Variants in GRIN2B observed in about 807,000 individuals in gnomAD.
GRIN2B encodes the protein glutamate ionotropic receptor NMDA type subunit 2B.
A neutral mutation model predicts 114.5 loss-of-function variants in GRIN2B; 5 were observed. The observed-to-expected ratio is 0.04, with a 90% CI of 0.02 to 0.09. GRIN2B has a LOEUF of 0.09. Among genes scored for constraint, GRIN2B ranks in the 10% least tolerant of loss-of-function variants. The pLI is 1.00. For missense variants in GRIN2B, 1,108 were observed against 1,943.5 expected, an observed-to-expected ratio of 0.57 and a Z score of 8.08; for synonymous variants, 787 against 745.1, an observed-to-expected ratio of 1.06 and a Z score of -0.92.
chr12:13,698,131 T>C (rs371679416), intron 4 of GRIN2B, among the ~76,000 whole-genome samples: 254 of 152,336 alleles, frequency 1.7e-3, no homozygotes, highest in African/African-American at 5.7e-3. Context: ...TGCTCCAAGG[T>C]TGATGAGGCA....
intron 4 of GRIN2B, among the ~76,000 whole-genome samples, chr12:13,708,337 C>T (rs973346583): frequency 3.3e-5 from 5 of 151,942 alleles, no homozygotes; most frequent in Admixed American, 1.3e-4. Flanking sequence ...GAATTGAGTT[C>T]GACCTGAGAG....
At position 13,540,549 on chromosome 12, in the gene GRIN2B, T is replaced by C. The variant is rs1948264347; in HGVS notation, c.*22234A>G. On this transcript the variant is annotated 3_prime_UTR_variant, in exon 14 of 14. Coordinates refer to ENST00000609686, the MANE Select transcript of GRIN2B (RefSeq NM_000834.5). ...AAGAATGAAATCAACTTATTTCTTT[T>C]GTTTAAAGGTAAGTCATTTGCTTAT... is the stretch of plus-strand genomic sequence containing the variant. The C allele has an allele frequency of 6.6e-6, 1 of 151,468 alleles. No homozygotes were observed. The highest frequency in any genetic ancestry group is 2.4e-5 in the African/African-American group (1 of 41,144). 9.4% of individuals were successfully genotyped at this position (151,468 alleles called of 1,614,324 possible). A position where few individuals can be genotyped will look rare whatever the true frequency, so the allele number is the denominator to read the frequency against.
At chr12:13,604,014 C>T (rs181606999) in intron 10 of GRIN2B, among the ~76,000 whole-genome samples, 55 of 152,106 alleles carry the variant, frequency 3.6e-4, no homozygotes, top group Admixed American at 2.0e-3. Flanking sequence ...AATATGTCCC[C>T]CTCCCTCACT....
intron 2 of GRIN2B, among the ~76,000 whole-genome samples, chr12:13,929,677 C>T (rs1377052660): frequency 6.6e-6 from 1 of 152,184 alleles, no homozygotes; most frequent in Non-Finnish European, 1.5e-5. Flanking sequence ...TGCCTAGGTC[C>T]AATTTCCAAA....
intron 3 of GRIN2B, among the ~76,000 whole-genome samples, chr12:13,757,953 T>C (rs891470074): frequency 6.6e-6 from 1 of 152,146 alleles, no homozygotes; most frequent in Non-Finnish European, 1.5e-5. Context: ...ACTTCATAAA[T>C]AAAGGATTAA....
At chr12:13,971,354 G>A (rs1862908817) in intron 2 of GRIN2B, among the ~76,000 whole-genome samples, 1 of 152,132 alleles carries the variant, frequency 6.6e-6, no homozygotes, top group African/African-American at 2.4e-5. Flanking sequence ...TGTACATTTA[G>A]GTTCACATTT....
At chr12:13,956,353 G>A (rs1376694357) in intron 2 of GRIN2B, among the ~76,000 whole-genome samples, 1 of 152,204 alleles carries the variant, frequency 6.6e-6, no homozygotes, top group East Asian at 1.9e-4. Flanking sequence ...AGGCTTCCGA[G>A]GAGGCAGATA....
intron 3 of GRIN2B, among the ~76,000 whole-genome samples, chr12:13,793,063 G>A (rs1035503734): frequency 4.6e-5 from 7 of 152,204 alleles, no homozygotes; most frequent in Admixed American, 1.3e-4. Flanking sequence ...CATTTGTCAC[G>A]TCTGTAATTC....
intron 3 of GRIN2B, among the ~76,000 whole-genome samples, chr12:13,761,897 A>C (rs1591716968): frequency 6.6e-6 from 1 of 152,244 alleles, no homozygotes; most frequent in Non-Finnish European, 1.5e-5. Context: ...TCAATATCAC[A>C]CTAAATTTAA....
chr12:13,786,193 T>G (rs1291767730), intron 3 of GRIN2B, among the ~76,000 whole-genome samples: 1 of 152,198 alleles, frequency 6.6e-6, no homozygotes, highest in Non-Finnish European at 1.5e-5. Context: ...TTTCTCCTAC[T>G]GCTTTAATCA....
At chr12:13,918,472 C>G (rs1236839705) in intron 2 of GRIN2B, among the ~76,000 whole-genome samples, 1 of 152,156 alleles carries the variant, frequency 6.6e-6, no homozygotes, top group East Asian at 1.9e-4. Flanking sequence ...ATTTGACAAC[C>G]AAATACCATG....
chr12:13,743,851 T>A (rs1863326589), intron 4 of GRIN2B, among the ~76,000 whole-genome samples: 1 of 152,188 alleles, frequency 6.6e-6, no homozygotes, highest in African/African-American at 2.4e-5. Context: ...ATAATTGGGT[T>A]TTTTGTCTAA....
intron 2 of GRIN2B, among the ~76,000 whole-genome samples, chr12:13,957,352 C>T (rs1055912695): frequency 1.3e-5 from 2 of 152,088 alleles, no homozygotes; most frequent in Non-Finnish European, 2.9e-5. Context: ...TGGGTACACA[C>T]ACAAGCTTGA....
chr12:13,605,994 C>G (rs1338090457), intron 10 of GRIN2B, among the ~76,000 whole-genome samples: 2 of 152,142 alleles, frequency 1.3e-5, no homozygotes, highest in East Asian at 3.9e-4. Flanking sequence ...ACACTACACC[C>G]CTGCCATGTC....
chr12:13,955,944 A>G (rs1259097702), intron 2 of GRIN2B, among the ~76,000 whole-genome samples: 1 of 152,156 alleles, frequency 6.6e-6, no homozygotes, highest in African/African-American at 2.4e-5. Context: ...CAAATAAGAC[A>G]AGGGTGACAA....
At chr12:13,758,461 AGAG>A (rs1863617998) in intron 3 of GRIN2B, among the ~76,000 whole-genome samples, 1 of 152,222 alleles carries the variant, frequency 6.6e-6, no homozygotes, top group Non-Finnish European at 1.5e-5. Context: ...CATTAAATTC[AGAG>A]GAGAAGAGAA....
rs768296067 is a variant in GRIN2B, at chr12:13,608,732, G to A, written c.1881C>T (p.Thr627=). ...CCCACACTGACACCATGATCTTGGA[G>A]GTGGTCCCCTTTGGGTTCTGCACAG... ...SVPVQNPKGT[T]SKIMVSVWAF... Residue 627 remains threonine (T), a synonymous_variant, in exon 10 of 14, where the codon ACC becomes ACT. Transcript: ENST00000609686. The A allele has an allele frequency of 3.7e-6, 6 of 1,613,988 alleles. No homozygotes were observed. In the Admixed American group the frequency reaches 8.3e-5, roughly 22 times the overall value.
intron 2 of GRIN2B, 101 bp downstream of exon 2, chr12:13,979,827 C>A (rs1401682880): frequency 1.3e-5 from 2 of 152,054 alleles, no homozygotes; most frequent in Non-Finnish European, 2.9e-5. Context: ...TATCTTGTGA[C>A]CTTTTCTTCC....
chr12:13,610,251 G>A (rs993339181), intron 9 of GRIN2B, among the ~76,000 whole-genome samples: 6 of 152,222 alleles, frequency 3.9e-5, no homozygotes, highest in Non-Finnish European at 8.8e-5. Flanking sequence ...GCTCTAAGGA[G>A]ACTTGATATT....
Sources: gnomAD v4.1 joint callset for allele counts (sites outside exome capture counted in the v4.1 genomes callset) on GRCh38, gnomAD v4.1.1 for gene constraint, MANE v1.5 for transcripts, NCBI Gene and HGNC (gene_info 2026-07-23, HGNC 2026-07-21) for gene names.